EPHA4: variants seen among roughly 807,000 people sequenced by gnomAD.
EPHA4 encodes EPH receptor A4, also known as ephrin type-A receptor 4.
EPHA4 carries 19 observed loss-of-function variants against 108.3 expected under a neutral mutation model. That is an observed-to-expected ratio of 0.18 (90% CI 0.12 to 0.26). EPHA4 has a LOEUF of 0.26. EPHA4 is among the 10% of genes least tolerant of loss of function. EPHA4 has a pLI of 1.00. For missense variants in EPHA4, 917 were observed against 1,254.0 expected, an observed-to-expected ratio of 0.73 and a Z score of 4.06; for synonymous variants, 449 against 455.5, an observed-to-expected ratio of 0.99 and a Z score of 0.18.
chr2:221,513,381 G>T (rs528894293), intron 3 of EPHA4, among the ~76,000 whole-genome samples: 1 of 152,284 alleles, frequency 6.6e-6, no homozygotes, highest in African/African-American at 2.4e-5. Context: ...GATTAACTCC[G>T]GCAGCAGCAT....
intron 3 of EPHA4, among the ~76,000 whole-genome samples, chr2:221,537,165 C>T (rs1559284245): frequency 6.6e-6 from 1 of 152,142 alleles, no homozygotes; most frequent in Non-Finnish European, 1.5e-5. Flanking sequence ...AAAAAACAAG[C>T]AAGGCCCAAA....
chr2:221,485,134 G>C (rs773545864), intron 4 of EPHA4, among the ~76,000 whole-genome samples: 2 of 152,148 alleles, frequency 1.3e-5, no homozygotes, highest in Non-Finnish European at 2.9e-5. Context: ...TTTCACATGG[G>C]AAAATGTGAC....
At chr2:221,511,995 TC>T (rs1292620831) in intron 3 of EPHA4, among the ~76,000 whole-genome samples, 1 of 152,166 alleles carries the variant, frequency 6.6e-6, no homozygotes, top group Admixed American at 6.6e-5. Context: ...TTCCTTTTTT[TC>T]CCCTCATGCC....
intron 3 of EPHA4, among the ~76,000 whole-genome samples, chr2:221,510,750 T>C (rs1692804012): frequency 6.6e-6 from 1 of 152,222 alleles, no homozygotes; most frequent in South Asian, 2.1e-4. Context: ...AGATGACTTA[T>C]TATTTTCCCT....
intron 5 of EPHA4, among the ~76,000 whole-genome samples, chr2:221,469,321 A>AAC: frequency 1.3e-5 from 2 of 152,284 alleles, no homozygotes; most frequent in African/African-American, 4.8e-5. Flanking sequence ...TCAACCTCCA[A>AAC]ACACACAAAC....
intron 3 of EPHA4, among the ~76,000 whole-genome samples, chr2:221,545,586 C>T (rs549187956): frequency 3.5e-4 from 53 of 152,298 alleles, no homozygotes; most frequent in African/African-American, 1.2e-3. Flanking sequence ...ACCTTCTATC[C>T]TGCCATGCCA....
chr2:221,518,996 T>C (rs1365450093), intron 3 of EPHA4, among the ~76,000 whole-genome samples: 1 of 151,958 alleles, frequency 6.6e-6, no homozygotes, highest in African/African-American at 2.4e-5. Context: ...AGAGGAAAGA[T>C]AGCAGTAAAG....
chr2:221,472,064 A>T (rs1482341246), intron 5 of EPHA4, among the ~76,000 whole-genome samples: 1 of 152,168 alleles, frequency 6.6e-6, no homozygotes. Flanking sequence ...AGCCTCATCA[A>T]TAATTTTCAG....
chr2:221,563,264 T>C (rs184647238), intron 3 of EPHA4, among the ~76,000 whole-genome samples: 1 of 152,218 alleles, frequency 6.6e-6, no homozygotes, highest in Non-Finnish European at 1.5e-5. Context: ...TTTTAGTCAG[T>C]GGGAGGGAAC....
intron 3 of EPHA4, among the ~76,000 whole-genome samples, chr2:221,526,641 G>A (rs1216878903): frequency 6.6e-6 from 1 of 151,786 alleles, no homozygotes; most frequent in Non-Finnish European, 1.5e-5. Flanking sequence ...GAGGTCAGGA[G>A]TTCCAGACCA....
In EPHA4 at chr2:221,558,923, A is replaced by G. The variant is rs540123537; in HGVS notation, c.823+4808T>C. On this transcript the variant is annotated intron_variant, in intron 3 of 17. Transcript: ENST00000281821. ...GATACGATTCAAAGGTAGAGGAAAA[A>G]TTTCAACAGTGCAAAGGATATGGAA... Among the ~76,000 whole-genome samples the G allele has an allele frequency of 4.6e-5, 7 of 152,352 alleles. No homozygotes were observed. The South Asian group carries it at 1.2e-3, about 27-fold the overall frequency.
Position 221,446,104 on chromosome 2 carries a change from T to G in EPHA4, c.1774+19A>C. The G allele has an allele frequency of 2.6e-6, 4 of 1,519,542 alleles. No individual in the cohort carries two copies. The highest frequency in any genetic ancestry group is 3.5e-6 in the Non-Finnish European group (4 of 1,133,664). 94.1% of individuals were successfully genotyped at this position (1,519,542 alleles called of 1,614,324 possible). Reference sequence around the variant, plus strand: ...TGACATGCTCTAAAAATAGAATTTTTTAATCCAATTTTTTGTACCTTGATT... The same window carrying G: ...TGACATGCTCTAAAAATAGAATTTTGTAATCCAATTTTTTGTACCTTGATT... On this transcript the variant is annotated intron_variant, in intron 9 of 17. Transcript: ENST00000281821.
chr2:221,470,269 T>G (rs1196076472), intron 5 of EPHA4, among the ~76,000 whole-genome samples: 1 of 146,666 alleles, frequency 6.8e-6, no homozygotes, highest in African/African-American at 2.5e-5. Flanking sequence ...GACTGAGAAG[T>G]GATGATCACG....
intron 8 of EPHA4, among the ~76,000 whole-genome samples, chr2:221,452,665 T>C (rs545244649): frequency 6.6e-6 from 1 of 152,154 alleles, no homozygotes; most frequent in African/African-American, 2.4e-5. Flanking sequence ...AAGTGATCCA[T>C]TGAGGACCAA....
chr2:221,517,562 G>C (rs942384556), intron 3 of EPHA4, among the ~76,000 whole-genome samples: 1 of 152,118 alleles, frequency 6.6e-6, no homozygotes, highest in African/African-American at 2.4e-5. Context: ...GGGTGGAGGA[G>C]GGCGAGCCGG....
At chr2:221,426,398 A>G in intron 16 of EPHA4, 66 bp downstream of exon 16, 2 of 1,528,542 alleles carry the variant, frequency 1.3e-6, no homozygotes, top group South Asian at 2.6e-5. Flanking sequence ...ACGCAGCTCA[A>G]AGCAAAAAAA....
In EPHA4 at chr2:221,425,550, CA is replaced by C. The variant is rs199893010; in HGVS notation, c.*477del. On this transcript the variant is annotated 3_prime_UTR_variant, in exon 17 of 18. Coordinates refer to ENST00000281821, the MANE Select transcript of EPHA4 (RefSeq NM_004438.5). Reference sequence around the variant, plus strand: ...CTTTTTTTTCCCCCATGGTATGAACCAAGCCCTAAAAGCCACAGCTGAGTCC... The same window carrying C: ...CTTTTTTTTCCCCCATGGTATGAACCAGCCCTAAAAGCCACAGCTGAGTCC... 2,688 of 154,524 alleles carry C rather than the reference CA, an allele frequency of 0.017. 93 individuals are homozygous for C. Among genetic ancestry groups the C allele is most frequent in the African/African-American group, 0.062 (2,568 of 41,536 alleles). 9.6% of individuals were successfully genotyped at this position (154,524 alleles called of 1,614,324 possible). A position where few individuals can be genotyped will look rare whatever the true frequency, so the allele number is the denominator to read the frequency against.
chr2:221,459,299 C>G (rs1414081350), intron 5 of EPHA4, among the ~76,000 whole-genome samples: 5 of 136,814 alleles, frequency 3.7e-5, no homozygotes, highest in Non-Finnish European at 7.9e-5. Context: ...CACACACACA[C>G]ACACACACAC....
intron 3 of EPHA4, among the ~76,000 whole-genome samples, chr2:221,542,235 T>C (rs1693859802): frequency 6.6e-6 from 1 of 152,224 alleles, no homozygotes; most frequent in African/African-American, 2.4e-5. Context: ...CAAAAATATT[T>C]TTTAAGAAGA....
Sources: gnomAD v4.1 joint callset for allele counts (sites outside exome capture counted in the v4.1 genomes callset) on GRCh38, gnomAD v4.1.1 for gene constraint, MANE v1.5 for transcripts, NCBI Gene and HGNC (gene_info 2026-07-23, HGNC 2026-07-21) for gene names.